Variants in PPIL6 observed in about 807,000 individuals in gnomAD.
PPIL6 encodes peptidylprolyl isomerase like 6, also known as probable inactive peptidyl-prolyl cis-trans isomerase-like 6.
PPIL6 carries 39 observed loss-of-function variants against 36.8 expected under a neutral mutation model. The observed-to-expected ratio is 1.06, with a 90% CI of 0.82 to 1.38. PPIL6 has a LOEUF of 1.38. PPIL6 is among the 40% of genes most tolerant of loss of function. The pLI is 0.00. For synonymous variants in PPIL6, 123 were observed against 134.1 expected, an observed-to-expected ratio of 0.92 and a Z score of 0.57; for missense variants, 368 against 379.1, an observed-to-expected ratio of 0.97 and a Z score of 0.24.
intron 1 of PPIL6, among the ~76,000 whole-genome samples, chr6:109,437,826 T>G (rs1412632139): frequency 6.6e-6 from 1 of 152,190 alleles, no homozygotes; most frequent in South Asian, 2.1e-4. Context: ...TGCCTCAGCC[T>G]CCCGAAGTGC....
chr6:109,437,955 T>C (rs1774546912), intron 1 of PPIL6, among the ~76,000 whole-genome samples: 1 of 152,250 alleles, frequency 6.6e-6, no homozygotes, highest in Admixed American at 6.5e-5. Context: ...AGTAATTTAG[T>C]ATTTGTTGTA....
chr6:109,437,600 G>C (rs1032169055), intron 1 of PPIL6, among the ~76,000 whole-genome samples: 3 of 138,728 alleles, frequency 2.2e-5, no homozygotes, highest in Non-Finnish European at 4.5e-5. Flanking sequence ...TGTTGCCCAG[G>C]ATGGAGTGCA....
chr6:109,428,231 G>C (rs1773927453), intron 3 of PPIL6, among the ~76,000 whole-genome samples: 1 of 152,076 alleles, frequency 6.6e-6, no homozygotes, highest in South Asian at 2.1e-4. Context: ...ACATTTAATG[G>C]AGTACATTTC....
chr6:109,409,029 A>G (rs551359347), intron 6 of PPIL6, among the ~76,000 whole-genome samples: 1 of 152,244 alleles, frequency 6.6e-6, no homozygotes, highest in Admixed American at 6.5e-5. Flanking sequence ...ATCATGACCA[A>G]GCAGGACTTA....
chr6:109,437,175 T>A (rs1167696882), intron 1 of PPIL6, among the ~76,000 whole-genome samples: 1 of 152,206 alleles, frequency 6.6e-6, no homozygotes, highest in East Asian at 1.9e-4. Flanking sequence ...TTATACTTTG[T>A]CTCCCTCTAA....
At chr6:109,419,283 G>A in intron 5 of PPIL6, 40 bp from the exon 6 acceptor site, 1 of 1,338,130 alleles carries the variant, frequency 7.5e-7, no homozygotes, top group South Asian at 1.2e-5. Context: ...ATTTTGAGAT[G>A]AAAAGATTTA....
intron 3 of PPIL6, among the ~76,000 whole-genome samples, chr6:109,430,770 T>C (rs1774099927): frequency 6.6e-6 from 1 of 152,220 alleles, no homozygotes; most frequent in African/African-American, 2.4e-5. Context: ...CAACTTTCCA[T>C]TCTCTTAGCT....
At chr6:109,394,338 A>C (rs1165077955) in intron 7 of PPIL6, among the ~76,000 whole-genome samples, 1 of 144,006 alleles carries the variant, frequency 6.9e-6, no homozygotes, top group African/African-American at 2.7e-5. Context: ...GCACCACTGC[A>C]CTCAGCCTGG....
intron 6 of PPIL6, among the ~76,000 whole-genome samples, chr6:109,401,026 A>ATT (rs749611966): frequency 0.055 from 6,319 of 114,926 alleles, 560 homozygotes; most frequent in African/African-American, 0.19. Context: ...TGCCCGGCTA[A>ATT]TTTTTTTTTT....
chr6:109,403,064 T>G (rs1289643348), intron 6 of PPIL6: 1 of 1,532,840 alleles, frequency 6.5e-7, no homozygotes, highest in East Asian at 2.5e-5. Context: ...ACCCCTCTGC[T>G]TTCCTTCTGC....
chr6:109,393,221 AT>A (rs35022203), intron 7 of PPIL6, among the ~76,000 whole-genome samples: 168 of 143,324 alleles, frequency 1.2e-3, no homozygotes, highest in South Asian at 2.0e-3. Context: ...AGTCAGGGTG[AT>A]TTTTTTTTTT....
intron 2 of PPIL6, among the ~76,000 whole-genome samples, chr6:109,434,932 C>G (rs1277094467): frequency 3.3e-5 from 5 of 152,220 alleles, no homozygotes; most frequent in African/African-American, 1.2e-4. Flanking sequence ...CATCCCTGGA[C>G]AAGCTCTGCT....
chr6:109,407,490 C>T (rs1482336094), intron 6 of PPIL6, among the ~76,000 whole-genome samples: 3 of 152,128 alleles, frequency 2.0e-5, no homozygotes, highest in East Asian at 1.9e-4. Flanking sequence ...CTGCCCGCCT[C>T]GGCCTCCCAA....
At chr6:109,410,436 T>G (rs993846336) in intron 6 of PPIL6, among the ~76,000 whole-genome samples, 6 of 152,146 alleles carry the variant, frequency 3.9e-5, no homozygotes, top group Admixed American at 1.3e-4. Flanking sequence ...GCTGCTGGAT[T>G]GTCATGAACA....
At chr6:109,401,441 C>G (rs546503922) in intron 6 of PPIL6, among the ~76,000 whole-genome samples, 5 of 152,254 alleles carry the variant, frequency 3.3e-5, no homozygotes, top group African/African-American at 1.2e-4. Flanking sequence ...TATTAACTGT[C>G]TATAAGATTT....
intron 3 of PPIL6, among the ~76,000 whole-genome samples, chr6:109,428,317 A>C (rs888490986): frequency 2.0e-5 from 3 of 152,162 alleles, no homozygotes; most frequent in African/African-American, 7.2e-5. Context: ...TTAGGGGGCC[A>C]AGGTGGGTGG....
rs1026162471 is a variant in PPIL6 at position 109,390,455 on chromosome 6, A to G, written c.*2371T>C. The G allele has an allele frequency of 6.6e-6, 1 of 152,154 alleles. No individual in the cohort carries two copies. The highest frequency in any genetic ancestry group is 2.4e-5 in the African/African-American group (1 of 41,436). The allele number at this position is 152,154 out of a possible 1,614,324, so 9.4% of individuals were successfully genotyped here. On this transcript the variant is annotated 3_prime_UTR_variant, in exon 8 of 8. Transcript: ENST00000521072. ...CCCTAGAACACACATTCTTAACACT[A>G]TGTTGCTCTGGGTCAGTTGAGAATG... is the stretch of plus-strand genomic sequence containing the variant.
intron 1 of PPIL6, among the ~76,000 whole-genome samples, chr6:109,437,476 G>A (rs919621150): frequency 2.0e-5 from 3 of 151,696 alleles, no homozygotes; most frequent in Admixed American, 1.3e-4. Context: ...AATAGCTGAC[G>A]CATCTTGTTT....
In PPIL6 at chr6:109,427,103, C is replaced by T; in HGVS notation, c.474G>A (p.Leu158=). Residue 158 remains leucine (L), a synonymous_variant, in exon 4 of 8, where the codon TTG becomes TTA. Transcript: ENST00000521072. ...TAAAAAAAAGTATCACCTCAAAAAT[C>T]AATCTTCCAATTGGAGAAGAATCAA... ...ICIDSSPIGR[L]IFELYCDVCP... is the part of the protein sequence containing the mutation. 4 of 1,610,972 alleles carry T rather than the reference C, an allele frequency of 2.5e-6. No homozygotes were observed. The highest frequency in any genetic ancestry group is 3.4e-6 in the Non-Finnish European group (4 of 1,177,600).
Sources: allele counts gnomAD v4.1 joint callset (sites outside exome capture counted in the v4.1 genomes callset), GRCh38; gene constraint gnomAD v4.1.1; transcripts MANE v1.5; gene names NCBI Gene and HGNC (gene_info 2026-07-23, HGNC 2026-07-21).